Variants in AP4E1 observed in about 807,000 individuals in gnomAD.
The protein encoded by AP4E1 is adaptor related protein complex 4 subunit epsilon 1, also known as AP-4 complex subunit epsilon-1.
A neutral mutation model predicts 128.2 loss-of-function variants in AP4E1; 56 were observed. The ratio of observed to expected loss-of-function variants is 0.44; its 90% CI spans 0.35 to 0.55. AP4E1 has a LOEUF of 0.55. AP4E1 is among the 20% of genes least tolerant of loss of function. The pLI is 0.00. For missense variants in AP4E1, 1,324 were observed against 1,307.7 expected, an observed-to-expected ratio of 1.01 and a Z score of -0.19; for synonymous variants, 484 against 473.1, an observed-to-expected ratio of 1.02 and a Z score of -0.30.
intron 2 of AP4E1, among the ~76,000 whole-genome samples, chr15:50,912,971 A>AT (rs957693831): frequency 7.3e-5 from 11 of 151,440 alleles, no homozygotes; most frequent in African/African-American, 2.2e-4. Flanking sequence ...GCCTGGCCTG[A>AT]TTTTTTTTTA....
intron 16 of AP4E1, among the ~76,000 whole-genome samples, chr15:50,990,000 A>T (rs1327509257): frequency 6.6e-6 from 1 of 152,154 alleles, no homozygotes; most frequent in Admixed American, 6.5e-5. Context: ...GCAACCTGAG[A>T]ATAAAGTAGT....
intron 7 of AP4E1, among the ~76,000 whole-genome samples, chr15:50,933,568 C>CA (rs1274523798): frequency 1.3e-5 from 2 of 151,658 alleles, no homozygotes; most frequent in African/African-American, 2.4e-5. Context: ...ATAATATTAC[C>CA]AATTTTTTTT....
chr15:50,984,238 T>C, intron 16 of AP4E1, 93 bp downstream of exon 16: 2 of 1,424,482 alleles, frequency 1.4e-6, no homozygotes, highest in South Asian at 2.3e-5. Context: ...CATATCATCA[T>C]GGTCATTATT....
chr15:50,934,455 A>G, intron 7 of AP4E1, 169 bp from the exon 8 acceptor site: 4 of 553,470 alleles, frequency 7.2e-6, no homozygotes, highest in Non-Finnish European at 1.3e-5. Context: ...GTTCAAGCTC[A>G]TGAAAAACAG....
rs768026274 is a variant in AP4E1 at position 50,915,448 on chromosome 15, A to C, written c.223A>C (p.Lys75Gln). Residue 75 changes from lysine to glutamine, a missense_variant and splice_region_variant, in exon 3 of 21, where the codon AAA (lysine) becomes CAA (glutamine). Transcript: ENST00000261842. ...AGCTACTGGATATTTTGCTTTTCAG[A>C]AAATGATGAAGGAATGTATGGTGAG... ...ATVSAPTTTL[K>Q]MMKECMVRLI... The C allele has an allele frequency of 3.7e-6, 6 of 1,612,710 alleles. No individual in the cohort carries two copies. In the East Asian group the frequency reaches 1.3e-4, roughly 36 times the overall value.
chr15:50,915,382 G>A, intron 2 of AP4E1, 66 bp from the exon 3 acceptor site: 1 of 1,515,588 alleles, frequency 6.6e-7, no homozygotes, highest in Non-Finnish European at 9.1e-7. Flanking sequence ...TAAATTATGA[G>A]AACATAGTTA....
At chr15:50,957,372 T>G (rs1366111762) in intron 13 of AP4E1, among the ~76,000 whole-genome samples, 1 of 152,166 alleles carries the variant, frequency 6.6e-6, no homozygotes, top group Non-Finnish European at 1.5e-5. Flanking sequence ...CGCTTCTCTC[T>G]GACATCCAGC....
At chr15:50,910,511 A>G (rs964236471) in intron 1 of AP4E1, among the ~76,000 whole-genome samples, 1 of 152,252 alleles carries the variant, frequency 6.6e-6, no homozygotes, top group African/African-American at 2.4e-5. Context: ...ACTACAATGC[A>G]ATAGAAGTGC....
intron 18 of AP4E1, 35 bp downstream of exon 18, chr15:50,997,918 T>C (rs1372408969): frequency 1.3e-6 from 2 of 1,511,080 alleles, no homozygotes; most frequent in African/African-American, 1.4e-5. Flanking sequence ...TTATTTTCAG[T>C]GTATATTTTG....
At chr15:50,967,872 G>A (rs576403437) in intron 14 of AP4E1, among the ~76,000 whole-genome samples, 3 of 152,294 alleles carry the variant, frequency 2.0e-5, no homozygotes, top group Non-Finnish European at 4.4e-5. Context: ...AAGTACAGTG[G>A]CACAGTCTCG....
intron 15 of AP4E1, among the ~76,000 whole-genome samples, chr15:50,979,611 A>G (rs8034576): frequency 0.43 from 65,208 of 151,962 alleles, 14,238 homozygotes; most frequent in East Asian, 0.59. Context: ...TGCAACCTCC[A>G]CATCCCAGGT....
chr15:50,936,553 G>A (rs1433972611), intron 8 of AP4E1, among the ~76,000 whole-genome samples: 1 of 152,038 alleles, frequency 6.6e-6, no homozygotes. Context: ...CTTTCCTGGG[G>A]ATAACCACTG....
chr15:50,977,716 T>TGTTTTTTG (rs1441732457), intron 15 of AP4E1, among the ~76,000 whole-genome samples: 2 of 63,682 alleles, frequency 3.1e-5, no homozygotes, highest in African/African-American at 9.8e-5. Flanking sequence ...GTTTTTTTTT[T>TGTTTTTTG]TTTTTTTTTT....
chr15:50,908,444 G>A (rs541826015), upstream of AP4E1: 227 of 230,428 alleles, frequency 9.9e-4, 1 homozygote, highest in African/African-American at 4.1e-3. Flanking sequence ...GGGACTCTGG[G>A]AGACAGTGCC....
At chr15:50,928,281 T>C (rs2063791716) in intron 5 of AP4E1, among the ~76,000 whole-genome samples, 1 of 152,132 alleles carries the variant, frequency 6.6e-6, no homozygotes, top group African/African-American at 2.4e-5. Flanking sequence ...TAACGAGTTT[T>C]TTTTCTTTTC....
chr15:50,944,911 C>A, intron 10 of AP4E1: 1 of 800,902 alleles, frequency 1.2e-6, no homozygotes, highest in Non-Finnish European at 2.2e-6. Context: ...ACTGTCCTTT[C>A]TGGGGCGTGT....
At position 50,981,269 on chromosome 15, in the gene AP4E1, TC is replaced by T. The variant is rs141710357; in HGVS notation, c.1967-2750del. The stretch of plus-strand genomic sequence containing the variant: ...GAGTGTCCAACTCCTGCCCCAGTGT[TC>T]CCAAAAGGTGGGACGTGGAGTCAAG... On this transcript the variant is annotated intron_variant, in intron 15 of 20. Transcript: ENST00000261842. Among the ~76,000 whole-genome samples, 596 of 152,300 alleles carry T rather than the reference TC, an allele frequency of 3.9e-3. 6 individuals carry two copies. Among genetic ancestry groups the T allele is most frequent in the African/African-American group, 0.013 (542 of 41,570 alleles).
At chr15:50,952,821 T>G (rs1446676954) in intron 13 of AP4E1, among the ~76,000 whole-genome samples, 1 of 152,228 alleles carries the variant, frequency 6.6e-6, no homozygotes, top group Non-Finnish European at 1.5e-5. Flanking sequence ...TTAAACATTT[T>G]TAGTGAGAAT....
rs3743045 is a variant in AP4E1, at chr15:51,002,798, G to T, written c.*136G>T. 2.4e-5 allele frequency: 27 copies of T among 1,139,326 alleles called. No individual in the cohort carries two copies. The African/African-American group carries it at 4.0e-4, about 17-fold the overall frequency. 70.6% of individuals were successfully genotyped at this position (1,139,326 alleles called of 1,614,324 possible). A position where few individuals can be genotyped will look rare whatever the true frequency, so the allele number is the denominator to read the frequency against. On this transcript the variant is annotated 3_prime_UTR_variant, in exon 21 of 21. Transcript: ENST00000261842. Reference sequence around the variant, plus strand: ...CAAGTGTGGTTTATATGTTTTCTTTGTGATTCCTGGTCAAGAAAGATCCCC... The same window carrying T: ...CAAGTGTGGTTTATATGTTTTCTTTTTGATTCCTGGTCAAGAAAGATCCCC...
Sources: allele counts gnomAD v4.1 joint callset (sites outside exome capture counted in the v4.1 genomes callset), GRCh38; gene constraint gnomAD v4.1.1; transcripts MANE v1.5; gene names NCBI Gene and HGNC (gene_info 2026-07-23, HGNC 2026-07-21).